ADD2: variants seen among roughly 807,000 people sequenced by gnomAD.
The protein encoded by ADD2 is beta-adducin.
ADD2 carries 23 observed loss-of-function variants against 83.0 expected under a neutral mutation model. The observed-to-expected ratio is 0.28, with a 90% confidence interval of 0.20 to 0.39. The LOEUF is 0.39. Ranked by LOEUF, ADD2 falls within the 10% of genes least tolerant of loss-of-function variation. ADD2 has a pLI of 1.00. For missense variants in ADD2, 758 were observed against 944.9 expected, an observed-to-expected ratio of 0.80 and a Z score of 2.59; for synonymous variants, 375 against 375.4, an observed-to-expected ratio of 1.00 and a Z score of 0.01.
At chr2:70,677,403 G>T (rs1428772002) in intron 12 of ADD2, among the ~76,000 whole-genome samples, 1 of 152,146 alleles carries the variant, frequency 6.6e-6, no homozygotes, top group Admixed American at 6.5e-5. Context: ...AAAAATACAC[G>T]CAAGTGAACT....
chr2:70,689,388 A>C (rs1346808293), intron 8 of ADD2, among the ~76,000 whole-genome samples: 1 of 152,264 alleles, frequency 6.6e-6, no homozygotes, highest in African/African-American at 2.4e-5. Context: ...CTCCAGGCAG[A>C]GCCTGGGCTG....
intron 14 of ADD2, among the ~76,000 whole-genome samples, chr2:70,673,741 C>T (rs1202269593): frequency 2.0e-5 from 3 of 152,170 alleles, no homozygotes; most frequent in Non-Finnish European, 4.4e-5. Context: ...AGATTTTTGG[C>T]GTGTACCACC....
At chr2:70,745,166 G>T (rs1674117779) in intron 1 of ADD2, among the ~76,000 whole-genome samples, 1 of 152,030 alleles carries the variant, frequency 6.6e-6, no homozygotes, top group African/African-American at 2.4e-5. Context: ...GGCGCCTGTA[G>T]TCCCAACTAC....
intron 4 of ADD2, among the ~76,000 whole-genome samples, chr2:70,698,428 G>C (rs1553373049): frequency 6.6e-6 from 1 of 152,246 alleles, no homozygotes; most frequent in Non-Finnish European, 1.5e-5. Context: ...TGAGTCTCAA[G>C]AGAGGTGGGA....
intron 15 of ADD2, among the ~76,000 whole-genome samples, chr2:70,672,096 A>T (rs1241770264): frequency 6.6e-6 from 1 of 152,232 alleles, no homozygotes; most frequent in Non-Finnish European, 1.5e-5. Context: ...GTATGTTTTC[A>T]CCTACACTTC....
At chr2:70,704,268 A>ACC in intron 4 of ADD2, 53 bp downstream of exon 4, 3 of 429,184 alleles carry the variant, frequency 7.0e-6, no homozygotes, top group South Asian at 2.7e-5. Context: ...TCTCTTCCCC[A>ACC]CCCCACCCTC....
intron 14 of ADD2, chr2:70,673,291 C>A (rs782713304): frequency 6.2e-7 from 1 of 1,614,124 alleles, no homozygotes; most frequent in Non-Finnish European, 8.5e-7. Flanking sequence ...TCGCACACGG[C>A]CGGACCAGAG....
At chr2:70,682,271 A>T (rs1670496363) in intron 10 of ADD2, among the ~76,000 whole-genome samples, 1 of 152,216 alleles carries the variant, frequency 6.6e-6, no homozygotes, top group Non-Finnish European at 1.5e-5. Context: ...CCTCTCAGAA[A>T]GAGTTTAAAT....
At chr2:70,714,368 T>C (rs782480779) in intron 1 of ADD2, among the ~76,000 whole-genome samples, 3 of 152,008 alleles carry the variant, frequency 2.0e-5, no homozygotes, top group Non-Finnish European at 4.4e-5. Context: ...AGTGGAGGCA[T>C]TCGAAGAGAC....
chr2:70,753,171 A>C (rs1674597408), intron 1 of ADD2, among the ~76,000 whole-genome samples: 1 of 152,236 alleles, frequency 6.6e-6, no homozygotes, highest in Non-Finnish European at 1.5e-5. Context: ...AGAAAAGGGC[A>C]GTATTCCAGG....
chr2:70,676,342 C>A lies in ADD2; in HGVS notation c.1593+454G>T. The A allele has an allele frequency of 9.6e-7, 1 of 1,043,162 alleles. No individual in the cohort carries two copies. The allele number at this position is 1,043,162 out of a possible 1,614,324, so 64.6% of individuals were successfully genotyped here. A position where few individuals can be genotyped will look rare whatever the true frequency, so the allele number is the denominator to read the frequency against. ...AGGAGCATGGGTCCTGTCTATATACCCCTTCTCTATGGGTACATGATCATC... is the reference window on the plus strand; with the variant it reads ...AGGAGCATGGGTCCTGTCTATATACACCTTCTCTATGGGTACATGATCATC... On this transcript the variant is annotated intron_variant, in intron 13 of 15. Transcript: ENST00000264436. This position sits in a 1 kb window ranked among gnomAD's most constrained non-coding sequence, Gnocchi z 4.8.
intron 15 of ADD2, among the ~76,000 whole-genome samples, chr2:70,664,957 T>G (rs1172582532): frequency 1.3e-5 from 2 of 151,364 alleles, no homozygotes; most frequent in Non-Finnish European, 2.9e-5. Flanking sequence ...TGAGTGCACA[T>G]GAGCATATGC....
intron 1 of ADD2, among the ~76,000 whole-genome samples, chr2:70,726,186 CAAAAAAAAAAAA>C (rs34333514): frequency 3.7e-4 from 17 of 45,490 alleles, no homozygotes; most frequent in Middle Eastern, 0.017. Context: ...GACTCCATCT[CAAAAAAAAAAAA>C]AAAAAAAAAA....
In ADD2 at chr2:70,676,380, T is replaced by C. The variant is rs1015357493; in HGVS notation, c.1593+416A>G. ...GTACATGATCATCTTTCCAGAGCTC[T>C]GGTTGGATGATGTCATACCAGGCTC... On this transcript the variant is annotated intron_variant, in intron 13 of 15. Transcript: ENST00000264436. The surrounding 1 kb of genome is among the most constrained non-coding windows in gnomAD (Gnocchi z 4.8). The C allele has an allele frequency of 1.8e-6, 2 of 1,113,436 alleles. No individual in the cohort carries two copies. The highest frequency in any genetic ancestry group is 2.2e-6 in the Non-Finnish European group (2 of 910,664). 69.0% of individuals were successfully genotyped at this position (1,113,436 alleles called of 1,614,324 possible). A position where few individuals can be genotyped will look rare whatever the true frequency, so the allele number is the denominator to read the frequency against.
intron 15 of ADD2, among the ~76,000 whole-genome samples, chr2:70,668,525 A>G (rs1367555538): frequency 3.3e-5 from 5 of 152,110 alleles, no homozygotes; most frequent in African/African-American, 1.2e-4. Flanking sequence ...ACCCAAGTAC[A>G]CTGTTTATGA....
chr2:70,704,263 T>TCGCCCCCCCCCCCCCCCCCCCC, intron 4 of ADD2, 58 bp downstream of exon 4: 1 of 913,238 alleles, frequency 1.1e-6, no homozygotes, highest in Non-Finnish European at 1.7e-6. Flanking sequence ...CTCCCTCTCT[T>TCGCCCCCCCCCCCCCCCCCCCC]CCCCACCCCA....
At position 70,695,810 on chromosome 2, in the gene ADD2, A is replaced by C. The variant is rs1364919577; in HGVS notation, c.475-9T>G. 1 of 1,613,342 alleles carries C rather than the reference A, an allele frequency of 6.2e-7. No individual in the cohort carries two copies. Among genetic ancestry groups the C allele is most frequent in the Admixed American group, 1.7e-5 (1 of 59,980 alleles). On this transcript the variant is annotated splice_polypyrimidine_tract_variant and intron_variant, in intron 5 of 15. Coordinates refer to ENST00000264436, the MANE Select transcript of ADD2 (RefSeq NM_001617.4). ...TCCTTGCTGACTCTCAACTGGAGGA[A>C]AGACACAAGTTCTCAGGGGCAAGGA...
At position 70,676,437 on chromosome 2, in the gene ADD2, C is replaced by T; in HGVS notation, c.1593+359G>A. 1 of 1,229,886 alleles carries T rather than the reference C, an allele frequency of 8.1e-7. No homozygotes were observed. The allele number at this position is 1,229,886 out of a possible 1,614,324, so 76.2% of individuals were successfully genotyped here. A position where few individuals can be genotyped will look rare whatever the true frequency, so the allele number is the denominator to read the frequency against. Reference sequence around the variant, plus strand: ...CAGAGACTCTCAGGGCTGGGCACACCTGGGGCACCTGGGAGTCTCCAGCCC... The same window carrying T: ...CAGAGACTCTCAGGGCTGGGCACACTTGGGGCACCTGGGAGTCTCCAGCCC... On this transcript the variant is annotated intron_variant, in intron 13 of 15. Transcript: ENST00000264436. This position sits in a 1 kb window ranked among gnomAD's most constrained non-coding sequence, Gnocchi z 4.8.
At chr2:70,669,873 G>C (rs750554) in intron 15 of ADD2, among the ~76,000 whole-genome samples, 21 of 141,770 alleles carry the variant, frequency 1.5e-4, no homozygotes, top group South Asian at 1.1e-3. Context: ...GACAGACAGA[G>C]AGACAGACAG....
Sources: gnomAD v4.1 joint callset for allele counts (sites outside exome capture counted in the v4.1 genomes callset) on GRCh38, gnomAD v4.1.1 for gene constraint, Gnocchi (gnomAD v3.1) non-coding constraint, MANE v1.5 for transcripts, NCBI Gene and HGNC (gene_info 2026-07-23, HGNC 2026-07-21) for gene names.